EIF5B: variants seen among roughly 807,000 people sequenced by gnomAD.
EIF5B encodes eIF-5B.
A neutral mutation model predicts 147.5 loss-of-function variants in EIF5B; 47 were observed. The observed-to-expected ratio is 0.32, with a 90% CI of 0.25 to 0.41. The LOEUF is 0.41. Ranked by LOEUF, EIF5B falls within the 10% of genes least tolerant of loss-of-function variation. The pLI, the probability that EIF5B is intolerant of heterozygous loss-of-function variation, is 1.00. For missense variants in EIF5B, 1,064 were observed against 1,413.2 expected (o/e 0.75, Z 3.96); for synonymous variants, 455 against 456.2 (o/e 1.00, Z 0.03).
chr2:99,364,785 A>G (rs1394562466), intron 6 of EIF5B, among the ~76,000 whole-genome samples: 3 of 152,194 alleles, frequency 2.0e-5, no homozygotes, highest in Non-Finnish European at 4.4e-5. Flanking sequence ...AGCATGTTTT[A>G]AAGTGAATCC....
chr2:99,362,497 T>A (rs944020299), intron 4 of EIF5B, among the ~76,000 whole-genome samples: 2 of 151,928 alleles, frequency 1.3e-5, no homozygotes, highest in African/African-American at 4.8e-5. Context: ...TCAGGAGATA[T>A]AGACCATCCT....
chr2:99,370,308 G>A (rs2104199620), intron 8 of EIF5B, among the ~76,000 whole-genome samples: 1 of 152,194 alleles, frequency 6.6e-6, no homozygotes, highest in African/African-American at 2.4e-5. Flanking sequence ...ATTGATGGGA[G>A]AGCTGGGGCT....
intron 1 of EIF5B, among the ~76,000 whole-genome samples, chr2:99,346,894 T>C (rs1433239326): frequency 6.6e-6 from 1 of 151,908 alleles, no homozygotes; most frequent in Non-Finnish European, 1.5e-5. Context: ...CTTAAGGTGT[T>C]TATTGAGAAT....
chr2:99,377,684 A>G (rs909748064), intron 10 of EIF5B, among the ~76,000 whole-genome samples: 13 of 152,184 alleles, frequency 8.5e-5, no homozygotes, highest in African/African-American at 3.1e-4. Context: ...AGATTAGTTA[A>G]TGGTAGTGTG....
At chr2:99,377,897 T>A (rs1013938971) in intron 10 of EIF5B, among the ~76,000 whole-genome samples, 12 of 152,306 alleles carry the variant, frequency 7.9e-5, no homozygotes, top group South Asian at 4.1e-4. Context: ...GGGTTTGTAT[T>A]CTTGTCCTGT....
intron 15 of EIF5B, 95 bp from the exon 16 acceptor site, chr2:99,390,121 AATG>A: frequency 2.2e-6 from 3 of 1,388,486 alleles, no homozygotes; most frequent in Non-Finnish European, 3.0e-6. Context: ...GGAGTTTCAA[AATG>A]ATGAGCCATT....
intron 14 of EIF5B, among the ~76,000 whole-genome samples, chr2:99,388,619 T>C (rs1283401182): frequency 6.6e-6 from 1 of 152,236 alleles, no homozygotes; most frequent in East Asian, 1.9e-4. Context: ...ACATAATTAC[T>C]GTTGAATTTT....
chr2:99,391,039 C>T (rs1349515908), intron 17 of EIF5B, among the ~76,000 whole-genome samples: 1 of 152,136 alleles, frequency 6.6e-6, no homozygotes, highest in Non-Finnish European at 1.5e-5. Flanking sequence ...TTTTTTGACT[C>T]CCCAAAAACT....
At chr2:99,354,373 A>G (rs956146555) in intron 1 of EIF5B, among the ~76,000 whole-genome samples, 1 of 152,016 alleles carries the variant, frequency 6.6e-6, no homozygotes, top group Non-Finnish European at 1.5e-5. Context: ...CCATTTTTTA[A>G]TTGGATTGTT....
intron 17 of EIF5B, among the ~76,000 whole-genome samples, chr2:99,391,473 T>G (rs1363141779): frequency 6.6e-6 from 1 of 152,186 alleles, no homozygotes; most frequent in African/African-American, 2.4e-5. Flanking sequence ...TAACACATTT[T>G]TGGGAAGCAA....
intron 1 of EIF5B, chr2:99,340,596 TATTTTAACTTCTTAGCC>T (rs1468479638): frequency 6.6e-6 from 1 of 152,214 alleles, no homozygotes; most frequent in African/African-American, 2.4e-5. Context: ...AATTAATCCT[TATTTTAACTTCTTAGCC>T]ACTCAGTATT....
At chr2:99,359,296 G>A (rs1415179049) in intron 1 of EIF5B, among the ~76,000 whole-genome samples, 1 of 151,906 alleles carries the variant, frequency 6.6e-6, no homozygotes, top group Non-Finnish European at 1.5e-5. Context: ...TTGAACCCAG[G>A]AGGTGGAGGT....
At position 99,401,222 on chromosome 2, in the gene EIF5B, T is replaced by C; in HGVS notation, c.*1808T>C. 1 of 1,478,678 alleles carries C rather than the reference T, an allele frequency of 6.8e-7. No homozygotes were observed. Among genetic ancestry groups the C allele is most frequent in the Non-Finnish European group, 9.5e-7 (1 of 1,056,972 alleles). The allele number at this position is 1,478,678 out of a possible 1,614,324, so 91.6% of individuals were successfully genotyped here. The stretch of plus-strand genomic sequence containing the variant: ...CTTATGGCACAGCTATCAGAGAGCA[T>C]CAGGCTCTCTGGTAATATTTATGTA... On this transcript the variant is annotated 3_prime_UTR_variant, in exon 24 of 24. Transcript: ENST00000289371.
At chr2:99,345,625 T>C (rs895178446) in intron 1 of EIF5B, among the ~76,000 whole-genome samples, 1 of 146,670 alleles carries the variant, frequency 6.8e-6, no homozygotes, top group Non-Finnish European at 1.5e-5. Flanking sequence ...ATGTCTAACA[T>C]GCCTTTCTGG....
At chr2:99,343,382 A>C (rs13018274) in intron 1 of EIF5B, among the ~76,000 whole-genome samples, 59,549 of 150,732 alleles carry the variant, frequency 0.4, 12,553 homozygotes, top group East Asian at 0.64. Context: ...ACTGTCTTTT[A>C]AAGTTTCTTT....
intron 14 of EIF5B, among the ~76,000 whole-genome samples, chr2:99,388,214 T>C (rs1458153125): frequency 6.6e-6 from 1 of 152,210 alleles, no homozygotes; most frequent in Non-Finnish European, 1.5e-5. Flanking sequence ...TCTAAGTATG[T>C]TGTTATGTTA....
intron 14 of EIF5B, among the ~76,000 whole-genome samples, chr2:99,387,391 T>C (rs1224144943): frequency 6.6e-6 from 1 of 152,214 alleles, no homozygotes; most frequent in Non-Finnish European, 1.5e-5. Context: ...AAATATTTTG[T>C]TATTTAAAGA....
intron 16 of EIF5B, 41 bp from the exon 17 acceptor site, chr2:99,390,503 C>T (rs762432666): frequency 6.3e-7 from 1 of 1,593,660 alleles, no homozygotes. Context: ...GAACATGGTG[C>T]ATTGTATGTA....
chr2:99,368,421 A>C (rs1027408643), intron 6 of EIF5B, 72 bp from the exon 7 acceptor site: 2 of 1,093,180 alleles, frequency 1.8e-6, no homozygotes, highest in Non-Finnish European at 2.8e-6. Context: ...ATGAAATGCT[A>C]TCCTTTAAAT....
Sources: allele counts gnomAD v4.1 joint callset (sites outside exome capture counted in the v4.1 genomes callset), GRCh38; gene constraint gnomAD v4.1.1; transcripts MANE v1.5; gene names NCBI Gene and HGNC (gene_info 2026-07-23, HGNC 2026-07-21).